Variants in LIME1 observed in about 807,000 individuals in gnomAD.
LIME1 encodes the protein Lck interacting transmembrane adaptor 1, also known as lck-interacting transmembrane adapter 1.
A neutral mutation model predicts 18.8 loss-of-function variants in LIME1; 23 were observed. The observed-to-expected ratio is 1.22, with a 90% CI of 0.88 to 1.73. The LOEUF (loss-of-function observed/expected upper bound fraction) is 1.73, where lower values mean the gene tolerates loss of function less well. LIME1 is among the 40% of genes most tolerant of loss of function. LIME1 has a pLI of 0.00. For synonymous variants in LIME1, 177 were observed against 182.3 expected (o/e 0.97, Z 0.23); for missense variants, 423 against 396.8 (o/e 1.07, Z -0.56).
upstream of LIME1, chr20:63,736,052 CGGGGTCCCATCT>C (rs1006729999): frequency 3.0e-6 from 4 of 1,328,854 alleles, no homozygotes; most frequent in Non-Finnish European, 4.1e-6. Context: ...GACAGAGCTG[CGGGGTCCCATCT>C]GGACACTTAC....
chr20:63,738,322 A>G lies in LIME1; in HGVS notation c.408A>G (p.Ala136=). Residue 136 remains alanine, a synonymous_variant, in exon 5 of 6, where the codon GCA becomes GCG. Coordinates refer to ENST00000309546, the MANE Select transcript of LIME1 (RefSeq NM_017806.4). The part of the protein sequence containing the change: ...PRALPAAAAT[A]GCAGLEATYS... The stretch of plus-strand genomic sequence containing the variant: ...CTCTGCCGGCAGCTGCAGCCACCGC[A>G]GGGTGCGCTGGCCTCGAGGCCACCT... 3.2e-6 allele frequency: 5 copies of G among 1,561,664 alleles called. No homozygotes were observed. Among genetic ancestry groups the G allele is most frequent in the Non-Finnish European group, 4.3e-6 (5 of 1,156,688 alleles).
In LIME1 at chr20:63,738,067, A is replaced by C; in HGVS notation, c.268+7A>C. ...GGCCCGCGCAGCAGCAGGGGTGAGCAGAGGGCGGGGCGGGGGCGGCCGGGC... is the reference window on the plus strand; with the variant it reads ...GGCCCGCGCAGCAGCAGGGGTGAGCCGAGGGCGGGGCGGGGGCGGCCGGGC... On this transcript the variant is annotated splice_region_variant and intron_variant, in intron 4 of 5. Transcript: ENST00000309546. 1.0e-6 allele frequency: 1 copy of C among 984,896 alleles called. No individual in the cohort carries two copies. The highest frequency in any genetic ancestry group is 1.4e-6 in the Non-Finnish European group (1 of 704,268). The allele number at this position is 984,896 out of a possible 1,614,324, so 61.0% of individuals were successfully genotyped here.
rs3032680 is a variant in LIME1, at chr20:63,738,073, C to CGGGGCGGGGGCGGGGGCG, written c.268+26_268+27insGGGCGGGGGCGGGGGCGG. ...CGCAGCAGCAGGGGTGAGCAGAGGG[C>CGGGGCGGGGGCGGGGGCG]GGGGCGGGGGCGGCCGGGCGGGGCT... On this transcript the variant is annotated intron_variant, in intron 4 of 5. Transcript: ENST00000309546. The CGGGGCGGGGGCGGGGGCG allele has an allele frequency of 7.1e-7, 1 of 1,407,938 alleles. No homozygotes were observed. The highest frequency in any genetic ancestry group is 1.4e-5 in the African/African-American group (1 of 70,254). The allele number at this position is 1,407,938 out of a possible 1,614,324, so 87.2% of individuals were successfully genotyped here. A position where few individuals can be genotyped will look rare whatever the true frequency, so the allele number is the denominator to read the frequency against.
chr20:63,737,620 T>A lies in LIME1; in HGVS notation c.71T>A (p.Leu24Gln). The part of the protein sequence containing the change: ...VLGCCALLLS[L>Q]WALCTACRRP... Reference sequence around the variant, plus strand: ...GGGTGCTGCGCCCTGCTCCTCTCGCTGTGGGCGCTGTGCACAGCCTGCCGC... The same window carrying A: ...GGGTGCTGCGCCCTGCTCCTCTCGCAGTGGGCGCTGTGCACAGCCTGCCGC... Residue 24 changes from leucine (L) to glutamine (Q), a missense_variant, in exon 2 of 6, where the codon CTG (leucine) becomes CAG (glutamine). Transcript: ENST00000309546. The A allele has an allele frequency of 6.2e-7, 1 of 1,600,188 alleles. No individual in the cohort carries two copies. Among genetic ancestry groups the A allele is most frequent in the Non-Finnish European group, 8.5e-7 (1 of 1,174,836 alleles).
intron 1 of LIME1, 112 bp from the exon 2 acceptor site, chr20:63,737,421 C>G: frequency 7.2e-7 from 1 of 1,380,230 alleles, no homozygotes; most frequent in Non-Finnish European, 9.3e-7. Flanking sequence ...TGAGTCAGAG[C>G]TGGAACGGGA....
chr20:63,736,562 C>T (rs572713011), upstream of LIME1: 43 of 960,946 alleles, frequency 4.5e-5, 1 homozygote, highest in South Asian at 1.0e-3. Flanking sequence ...GGTGAGGCTG[C>T]GGTGGTGGCT....
rs1404960208 is a variant in LIME1 at position 63,738,437 on chromosome 20, G to A, written c.523G>A (p.Gly175Arg). 1 of 1,540,540 alleles carries A rather than the reference G, an allele frequency of 6.5e-7. No homozygotes were observed. Among genetic ancestry groups the A allele is most frequent in the African/African-American group, 1.4e-5 (1 of 72,988 alleles). Residue 175 changes from glycine (G) to arginine (R), a missense_variant, in exon 5 of 6, where the codon GGG becomes AGG. Transcript: ENST00000309546. ...AEYARVQKRK[G>R]THRSPQEPQQ... is the part of the protein sequence containing the mutation. ...GTATGCCCGCGTCCAGAAGCGCAAA[G>A]GGACCCATCGCAGTCCCCAAGAGCC... is the stretch of plus-strand genomic sequence containing the variant.
chr20:63,738,094 G>C, intron 4 of LIME1, 34 bp downstream of exon 4: 1 of 1,206,340 alleles, frequency 8.3e-7, no homozygotes, highest in Non-Finnish European at 1.1e-6. Context: ...CGGCCGGGCG[G>C]GGCTTACTGT....
chr20:63,738,021 A>G lies in LIME1; in HGVS notation c.229A>G (p.Arg77Gly), dbSNP rs776428251. 1.3e-6 allele frequency: 2 copies of G among 1,563,494 alleles called. No homozygotes were observed. Among genetic ancestry groups the G allele is most frequent in the Non-Finnish European group, 1.7e-6 (2 of 1,159,108 alleles). Residue 77 changes from arginine to glycine, a missense_variant, in exon 4 of 6, where the codon AGA (arginine) becomes GGA (glycine). By Grantham distance (125) the Arg-to-Gly change is moderately radical (BLOSUM62 -2). Transcript: ENST00000309546. ...CTGCTCCCTCAGCAAGTCGGACACC[A>G]GACTGCACGAGCTGCACCGGGGCCC... is the stretch of plus-strand genomic sequence containing the variant. ...HLCSLSKSDT[R>G]LHELHRGPRS...
At position 63,738,622 on chromosome 20, in the gene LIME1, T is replaced by G. The variant is rs2092022840; in HGVS notation, c.610T>G (p.Cys204Gly). The change falls in exon 6 of 6, where the codon TGC (cysteine) becomes GGC (glycine). Residue 204 changes from cysteine to glycine, a missense_variant. By Grantham distance (159) the Cys-to-Gly change is radical (BLOSUM62 -3). Coordinates refer to ENST00000309546, the MANE Select transcript of LIME1 (RefSeq NM_017806.4). ...GGTGGACGTCCTGTACTCCAGGGTC[T>G]GCAAGCCTAAAAGGAGGGACCCAGG... ...AQVDVLYSRV[C>G]KPKRRDPGPT... 6.3e-7 allele frequency: 1 copy of G among 1,580,840 alleles called. No individual in the cohort carries two copies.
At chr20:63,737,226 A>G in intron 1 of LIME1, 10 of 1,116,572 alleles carry the variant, frequency 9.0e-6, no homozygotes, top group Non-Finnish European at 1.1e-5. Flanking sequence ...GCTGGTTACT[A>G]TCTGGGCTAT....
At chr20:63,736,546 C>G, upstream of LIME1, 1 of 896,630 alleles carries the variant, frequency 1.1e-6, no homozygotes, top group Non-Finnish European at 1.3e-6. Flanking sequence ...CGGGGCGCAG[C>G]AGGTGGGTGA....
At chr20:63,735,729 G>T, upstream of LIME1, 1 of 1,555,046 alleles carries the variant, frequency 6.4e-7, no homozygotes, top group South Asian at 1.2e-5. Context: ...CGGCAGACTG[G>T]GGTTGGTGGC....
At chr20:63,738,138 C>T in intron 4 of LIME1, 45 bp from the exon 5 acceptor site, 1 of 1,530,728 alleles carries the variant, frequency 6.5e-7, no homozygotes, top group Non-Finnish European at 8.8e-7. Context: ...CAGACCCGCT[C>T]CTGCCCCCTG....
upstream of LIME1, chr20:63,736,082 C>T (rs976091784): frequency 1.0e-5 from 10 of 964,858 alleles, no homozygotes; most frequent in Middle Eastern, 2.5e-4. Context: ...TACTTGCCCA[C>T]CTGCCAGTGT....
In LIME1 at chr20:63,737,864, C is replaced by A; in HGVS notation, c.142C>A (p.Arg48=). The A allele has an allele frequency of 6.4e-7, 1 of 1,568,894 alleles. No individual in the cohort carries two copies. The highest frequency in any genetic ancestry group is 8.6e-7 in the Non-Finnish European group (1 of 1,165,092). ...VAPRKRARRQ[R]ARLQGSATAA... ...CCCCAGGAAGAGGGCGCGGAGGCAG[C>A]GGGCGAGGCTGCAGGGCAGTGCGAC... Residue 48 remains arginine (R), a synonymous_variant, in exon 3 of 6, where the codon CGG becomes AGG. Transcript: ENST00000309546.
chr20:63,737,221 T>C, intron 1 of LIME1: 1 of 1,106,714 alleles, frequency 9.0e-7, no homozygotes, highest in Non-Finnish European at 1.1e-6. Context: ...CCGATGCTGG[T>C]TACTATCTGG....
At chr20:63,735,953 C>T, upstream of LIME1, 1 of 1,589,614 alleles carries the variant, frequency 6.3e-7, no homozygotes, top group Non-Finnish European at 8.6e-7. Context: ...AAGCGTGGGA[C>T]CCCAGCACGG....
At position 63,738,755 on chromosome 20, in the gene LIME1, G is replaced by T; in HGVS notation, c.743G>T (p.Gly248Val). ...LPLRALDVDS[G>V]PLENVYESIR... ...CTCAGGGCCCTGGATGTGGACAGCG[G>T]CCCCCTGGAAAACGTGTATGAGAGC... Residue 248 changes from glycine to valine, a missense_variant, in exon 6 of 6, where the codon GGC (glycine) becomes GTC (valine). By Grantham distance (109) the Gly-to-Val change is moderately radical. Transcript: ENST00000309546. 1.2e-6 allele frequency: 2 copies of T among 1,613,046 alleles called. No individual in the cohort carries two copies. Among genetic ancestry groups the T allele is most frequent in the Non-Finnish European group, 1.7e-6 (2 of 1,179,936 alleles).
Sources: allele counts gnomAD v4.1 joint callset, GRCh38; gene constraint gnomAD v4.1.1; transcripts MANE v1.5; gene names NCBI Gene and HGNC (gene_info 2026-07-23, HGNC 2026-07-21).